CCDC88C: variants seen among roughly 807,000 people sequenced by gnomAD.
CCDC88C encodes the protein protein Daple.
Under a neutral mutation model 198.8 loss-of-function variants are expected in CCDC88C, and 131 were observed. The ratio of observed to expected loss-of-function variants is 0.66; its 90% CI spans 0.57 to 0.76. The LOEUF (loss-of-function observed/expected upper bound fraction) is 0.76. Ranked by LOEUF, CCDC88C falls within the 30% of genes least tolerant of loss-of-function variation. The pLI, the probability that CCDC88C is intolerant of heterozygous loss-of-function variation, is 0.00. For missense variants in CCDC88C, 2,553 were observed against 2,631.6 expected, an observed-to-expected ratio of 0.97 and a Z score of 0.65; for synonymous variants, 1,166 against 1,114.7, an observed-to-expected ratio of 1.05 and a Z score of -0.92.
At chr14:91,303,630 T>A in intron 20 of CCDC88C, 71 bp downstream of exon 20, 24 of 1,184,482 alleles carry the variant, frequency 2.0e-5, no homozygotes, top group East Asian at 4.1e-5. Flanking sequence ...AGGCCCCACC[T>A]TTCCCCCTGG....
chr14:91,341,226 G>T (rs1401206328), intron 6 of CCDC88C, among the ~76,000 whole-genome samples: 1 of 152,140 alleles, frequency 6.6e-6, no homozygotes, highest in Non-Finnish European at 1.5e-5. Flanking sequence ...CCGGTTCTAG[G>T]CCTGGTCCAG....
At chr14:91,300,091 C>T in intron 20 of CCDC88C, 21 bp from the exon 21 acceptor site, 1 of 1,603,494 alleles carries the variant, frequency 6.2e-7, no homozygotes, top group Non-Finnish European at 8.5e-7. Context: ...GAAGCACCTG[C>T]CGTGAGTCTG....
rs79089816 is a variant in CCDC88C, at chr14:91,404,995, G to T, written c.270+3664C>A. Among the ~76,000 whole-genome samples, 54 of 151,412 alleles carry T rather than the reference G, an allele frequency of 3.6e-4. 2 individuals carry two copies. In the East Asian group the frequency reaches 0.01, roughly 29 times the overall value. ...AAAAAAAAAGAGAAAAGAAAATGCA[G>T]ATTCCAGGGCCCCAATCCCAGAAGA... On this transcript the variant is annotated intron_variant, in intron 3 of 29. Coordinates refer to ENST00000389857, the MANE Select transcript of CCDC88C (RefSeq NM_001080414.4).
At chr14:91,390,611 A>G (rs921382325) in intron 3 of CCDC88C, among the ~76,000 whole-genome samples, 1 of 152,218 alleles carries the variant, frequency 6.6e-6, no homozygotes, top group Non-Finnish European at 1.5e-5. Flanking sequence ...GGCAAAGTCC[A>G]TGGCCAGCCC....
At chr14:91,330,683 C>T (rs185568600) in intron 10 of CCDC88C, among the ~76,000 whole-genome samples, 2 of 151,980 alleles carry the variant, frequency 1.3e-5, no homozygotes, top group South Asian at 2.1e-4. Context: ...CTTGAGCACC[C>T]GAGTGGATGT....
Position 91,324,930 on chromosome 14 carries a change from C to G in CCDC88C, c.1198-7G>C. 4 of 1,613,356 alleles carry G rather than the reference C, an allele frequency of 2.5e-6. No individual in the cohort carries two copies. Among genetic ancestry groups the G allele is most frequent in the Non-Finnish European group, 3.4e-6 (4 of 1,179,880 alleles). Reference sequence around the variant, plus strand: ...TCTTATCTGTGTCCCGGTCCTGGGGCAAGCAAGAAGAGGCAAGAAGTGAGG... The same window carrying G: ...TCTTATCTGTGTCCCGGTCCTGGGGGAAGCAAGAAGAGGCAAGAAGTGAGG... On this transcript the variant is annotated splice_polypyrimidine_tract_variant and splice_region_variant and intron_variant, in intron 11 of 29. Coordinates refer to ENST00000389857, the MANE Select transcript of CCDC88C (RefSeq NM_001080414.4).
Position 91,313,422 on chromosome 14 carries a change from C to A in CCDC88C, c.2394G>T (p.Ala798=), listed in dbSNP as rs531757115. The change falls in exon 15 of 30, where the codon GCG becomes GCT. Residue 798 remains alanine (A), a synonymous_variant. Transcript: ENST00000389857. The surrounding 1 kb of genome is among the most constrained non-coding windows in gnomAD (Gnocchi z 5.2). ...ELGELEAERQ[A]LRRDLEALRL... ...GGAGGGCCTCCAGGTCCCGCCGCAG[C>A]GCCTGGCGCTCAGCCTCCAGCTCGC... 3.3e-4 allele frequency: 525 copies of A among 1,607,416 alleles called. 6 individuals are homozygous for A. In the South Asian group the frequency reaches 5.5e-3, roughly 17 times the overall value.
intron 10 of CCDC88C, among the ~76,000 whole-genome samples, chr14:91,327,118 T>A (rs887878225): frequency 1.3e-5 from 2 of 152,360 alleles, no homozygotes; most frequent in Middle Eastern, 3.4e-3. Flanking sequence ...CCAAATGCCT[T>A]CGCAGGTTAC....
intron 2 of CCDC88C, among the ~76,000 whole-genome samples, chr14:91,415,376 T>A (rs573328231): frequency 3.0e-4 from 44 of 148,434 alleles, no homozygotes; most frequent in Admixed American, 5.4e-4. Context: ...CTGTGAACTT[T>A]AAAAAAAAAA....
Position 91,342,405 on chromosome 14 carries a change from G to A in CCDC88C, c.458C>T (p.Ala153Val), listed in dbSNP as rs978422538. The A allele has an allele frequency of 1.3e-6, 2 of 1,595,892 alleles. No homozygotes were observed. The highest frequency in any genetic ancestry group is 1.7e-5 in the Admixed American group (1 of 57,474). ...RIKQLDIETQ[A>V]GIVAHIQEVT... ...CTCCTGGATATGGGCCACGATGCCA[G>A]CCTGGGTCTCAATGTCCAGCTGTTT... The change falls in exon 6 of 30, where the codon GCT (alanine) becomes GTT (valine). Residue 153 changes from alanine to valine, a missense_variant. Ala to Val is a moderately conservative substitution (Grantham distance 64, BLOSUM62 0). Around this residue, in one of 2 missense-constraint regions of CCDC88C, gnomAD observed 1,260 missense variants for 1,412.0 expected, o/e 0.89. Transcript: ENST00000389857.
intron 3 of CCDC88C, among the ~76,000 whole-genome samples, chr14:91,402,720 C>T (rs1298168889): frequency 6.6e-6 from 1 of 152,146 alleles, no homozygotes; most frequent in Non-Finnish European, 1.5e-5. Context: ...AGGAAAAGGT[C>T]TCAAGCAAAT....
intron 23 of CCDC88C, among the ~76,000 whole-genome samples, chr14:91,293,253 C>T (rs1206950888): frequency 7.3e-6 from 1 of 137,896 alleles, no homozygotes; most frequent in East Asian, 2.3e-4. Flanking sequence ...CCATGGCCCA[C>T]CTTCCCATCC....
chr14:91,303,928 G>A lies in CCDC88C; in HGVS notation c.3408C>T (p.Tyr1136=), dbSNP rs1355145636. The A allele has an allele frequency of 6.2e-7, 1 of 1,611,196 alleles. No homozygotes were observed. Among genetic ancestry groups the A allele is most frequent in the Non-Finnish European group, 8.5e-7 (1 of 1,179,878 alleles). The change falls in exon 20 of 30, where the codon TAC becomes TAT. Residue 1136 remains tyrosine, a synonymous_variant. Coordinates refer to ENST00000389857, the MANE Select transcript of CCDC88C (RefSeq NM_001080414.4). ...CCGTGTGGTGGTTCTGCAGCAGCGT[G>A]TACTGCGCGGTGAGCGCTGCGCTCT... ...SSQSAALTAQ[Y]TLLQNHHTAK... is the part of the protein sequence containing the mutation.
intron 4 of CCDC88C, among the ~76,000 whole-genome samples, chr14:91,349,743 C>T (rs1893701138): frequency 6.6e-6 from 1 of 152,194 alleles, no homozygotes; most frequent in Admixed American, 6.5e-5. Context: ...GCAATGCAGG[C>T]AGGCCAACAT....
In CCDC88C at chr14:91,392,767, G is replaced by GCCCCTCACTCTCACTGCA. The variant is rs1412555218; in HGVS notation, c.270+15874_270+15891dup. Among the ~76,000 whole-genome samples, 236 of 150,346 alleles carry GCCCCTCACTCTCACTGCA rather than the reference G, an allele frequency of 1.6e-3. 4 individuals carry two copies. In the South Asian group the frequency reaches 0.039, roughly 25 times the overall value. ...TCACCACGCCCCTCACTCTCACCGC[G>GCCCCTCACTCTCACTGCA]CCCCTCACTCTCACTGCACCCCTCA... On this transcript the variant is annotated intron_variant, in intron 3 of 29. Transcript: ENST00000389857.
At chr14:91,314,347 C>T (rs147951502) in intron 14 of CCDC88C, among the ~76,000 whole-genome samples, 197 bp from the exon 15 acceptor site, 175 of 152,308 alleles carry the variant, frequency 1.1e-3, no homozygotes, top group Middle Eastern at 3.4e-3. Flanking sequence ...TGGTTCAAGT[C>T]AGAATACACT....
At position 91,322,904 on chromosome 14, in the gene CCDC88C, C is replaced by CTTTT. The variant is rs35728972; in HGVS notation, c.1343-1604_1343-1601dup. Among the ~76,000 whole-genome samples the CTTTT allele has an allele frequency of 5.6e-4, 72 of 127,504 alleles. 1 individual carries two copies. Among genetic ancestry groups the CTTTT allele is most frequent in the African/African-American group, 1.7e-3 (58 of 34,394 alleles). 83.6% of individuals were successfully genotyped at this position (127,504 alleles called of 152,430 possible). On this transcript the variant is annotated intron_variant, in intron 12 of 29. Transcript: ENST00000389857. ...TTACTACTAAAACGCCAGTGTTTCTCTTTTTTTTTTTTTTTTTTTGAGACA... is the reference window on the plus strand; with the variant it reads ...TTACTACTAAAACGCCAGTGTTTCTCTTTTTTTTTTTTTTTTTTTTTTTGAGACA...
chr14:91,313,083 CCTCA>C lies in CCDC88C; in HGVS notation c.2729_2732del (p.Leu910ArgfsTer9). 1.3e-6 allele frequency: 2 copies of C among 1,578,550 alleles called. No individual in the cohort carries two copies. The highest frequency in any genetic ancestry group is 1.7e-6 in the Non-Finnish European group (2 of 1,159,392). ...GGCGCCGCCTGTGTTTGCTCACCTC[CCTCA>C]GAGTTGTCAGTGTCCTTGCATGCAC... On this transcript the variant is annotated frameshift_variant, in exon 15 of 30. Transcript: ENST00000389857. LOFTEE classifies it high-confidence loss of function. This position sits in a 1 kb window ranked among gnomAD's most constrained non-coding sequence, Gnocchi z 5.2.
At chr14:91,390,168 T>G (rs1227906174) in intron 3 of CCDC88C, among the ~76,000 whole-genome samples, 2 of 151,828 alleles carry the variant, frequency 1.3e-5, no homozygotes, top group Non-Finnish European at 2.9e-5. Flanking sequence ...CTTTGTTCCC[T>G]CAGTGGAGCA....
Sources: allele counts gnomAD v4.1 joint callset (sites outside exome capture counted in the v4.1 genomes callset), GRCh38; gene constraint gnomAD v4.1.1; regional missense constraint gnomAD v4.1.1; non-coding constraint Gnocchi (gnomAD v3.1); transcripts MANE v1.5; gene names NCBI Gene and HGNC (gene_info 2026-07-23, HGNC 2026-07-21).